The following PRKCZ variants were observed in gnomAD, a reference collection of about 807,000 sequenced individuals.
The protein encoded by PRKCZ is protein kinase C zeta type.
Under a neutral mutation model 79.5 loss-of-function variants are expected in PRKCZ, and 33 were observed. That is an observed-to-expected ratio of 0.41 (90% CI 0.31 to 0.55). PRKCZ has a LOEUF of 0.55. Ranked by LOEUF, PRKCZ falls within the 20% of genes least tolerant of loss-of-function variation. The probability of loss-of-function intolerance (pLI) is 0.19; values close to 1 mark genes in which losing one functional copy is unlikely to be tolerated. For missense variants in PRKCZ, 578 were observed against 813.5 expected (o/e 0.71, Z 3.52); for synonymous variants, 342 against 320.9 (o/e 1.07, Z -0.70).
rs769365736 is a variant in PRKCZ, at chr1:2,056,465, C to A, written c.194-19C>A. 6.2e-7 allele frequency: 1 copy of A among 1,609,194 alleles called. No individual in the cohort carries two copies. Among genetic ancestry groups the A allele is most frequent in the Non-Finnish European group, 8.5e-7 (1 of 1,176,874 alleles). On this transcript the variant is annotated intron_variant, in intron 2 of 17. Transcript: ENST00000378567. ...CTCGGGCCTTCGGCGACGTCAGCAC[C>A]GTCTCCTGCCCCACCCAGGTGACCC...
chr1:2,182,936 C>G (rs1489671558), intron 16 of PRKCZ: 2 of 151,878 alleles, frequency 1.3e-5, no homozygotes, highest in Middle Eastern at 6.8e-3. Flanking sequence ...AATGAGTGGG[C>G]TAAAGAGGGC....
rs569122732 is a variant in PRKCZ, at chr1:2,056,496, C to T, written c.206C>T (p.Thr69Met). 1.4e-5 allele frequency: 22 copies of T among 1,613,846 alleles called. No homozygotes were observed. The East Asian group carries it at 2.2e-4, about 16-fold the overall frequency. The change falls in exon 3 of 18, where the codon ACG (threonine) becomes ATG (methionine). Residue 69 changes from threonine to methionine, a missense_variant. By Grantham distance (81) the Thr-to-Met change is moderately conservative (BLOSUM62 -1). This residue lies in a region of PRKCZ where 228 missense variants were observed against 211.6 expected (regional missense o/e 1.08). Transcript: ENST00000378567. Reference sequence around the variant, plus strand: ...CTGCCCCACCCAGGTGACCCTTGCACGGTGTCCTCCCAGATGGAGCTGGAA... The same window carrying T: ...CTGCCCCACCCAGGTGACCCTTGCATGGTGTCCTCCCAGATGGAGCTGGAA... ...KWVDSEGDPCTVSSQMELEEA... is the reference protein window; with the variant it reads ...KWVDSEGDPCMVSSQMELEEA...
intron 9 of PRKCZ, among the ~76,000 whole-genome samples, chr1:2,153,723 C>A (rs1439590661): frequency 2.6e-5 from 4 of 152,330 alleles, no homozygotes; most frequent in African/African-American, 9.6e-5. Context: ...GTTTGCGGGA[C>A]CCTGAGAAAA....
At chr1:2,078,174 C>T (rs948629362) in intron 4 of PRKCZ, among the ~76,000 whole-genome samples, 1 of 152,264 alleles carries the variant, frequency 6.6e-6, no homozygotes, top group African/African-American at 2.4e-5. Context: ...CCTCCTCTCT[C>T]CTCTGCCTAC....
At chr1:2,106,426 C>T (rs1668432051) in intron 4 of PRKCZ, among the ~76,000 whole-genome samples, 1 of 151,764 alleles carries the variant, frequency 6.6e-6, no homozygotes, top group Non-Finnish European at 1.5e-5. Context: ...GCGAGGACCT[C>T]CACACGTGTC....
At position 2,144,385 on chromosome 1, in the gene PRKCZ, C is replaced by T. The variant is rs1403836482; in HGVS notation, c.552+44C>T. 3.0e-5 allele frequency: 46 copies of T among 1,542,756 alleles called. 1 individual carries two copies. Among genetic ancestry groups the T allele is most frequent in the Non-Finnish European group, 2.9e-5 (33 of 1,141,930 alleles). ...GAGGCCCGGGGGGCACGGGCGGGGT[C>T]GGGGCGTGGCAGCCAGCCCATTGTC... On this transcript the variant is annotated intron_variant, in intron 6 of 17. Coordinates refer to ENST00000378567, the MANE Select transcript of PRKCZ (RefSeq NM_002744.6).
chr1:2,154,898 T>C (rs1680622041), intron 9 of PRKCZ, among the ~76,000 whole-genome samples: 1 of 152,232 alleles, frequency 6.6e-6, no homozygotes, highest in Non-Finnish European at 1.5e-5. Context: ...GCTCTGGTGA[T>C]GGGTGTGGGC....
chr1:2,102,553 C>A (rs141829549), intron 4 of PRKCZ, among the ~76,000 whole-genome samples: 1,581 of 152,082 alleles, frequency 0.01, 33 homozygotes, highest in African/African-American at 0.036. Context: ...GGGATGGTCT[C>A]GATCTCCTGA....
intron 4 of PRKCZ, among the ~76,000 whole-genome samples, chr1:2,067,242 G>A: frequency 6.6e-6 from 1 of 152,208 alleles, no homozygotes; most frequent in East Asian, 1.9e-4. Context: ...CAGCCGCTGT[G>A]GGTACAGCGC....
chr1:2,072,150 C>G (rs1230218697), intron 4 of PRKCZ, among the ~76,000 whole-genome samples: 1 of 152,236 alleles, frequency 6.6e-6, no homozygotes, highest in Non-Finnish European at 1.5e-5. Context: ...GAATGCCCCT[C>G]ATGCAGCTGG....
intron 4 of PRKCZ, chr1:2,133,976 TGTG>T (rs2103016530): frequency 6.6e-6 from 1 of 152,316 alleles, no homozygotes; most frequent in South Asian, 2.1e-4. Context: ...CTGCGCCTCT[TGTG>T]GAGCCCAGGC....
chr1:2,135,178 C>A, intron 4 of PRKCZ, 84 bp from the exon 5 acceptor site: 1 of 1,195,648 alleles, frequency 8.4e-7, no homozygotes, highest in Non-Finnish European at 1.2e-6. Flanking sequence ...ACCACCTGGA[C>A]GGGAGTGGCC....
At chr1:2,161,754 C>T (rs1296622573) in intron 10 of PRKCZ, among the ~76,000 whole-genome samples, 1 of 152,124 alleles carries the variant, frequency 6.6e-6, no homozygotes, top group African/African-American at 2.4e-5. Flanking sequence ...TGGCATCTCC[C>T]CTTCTCCATC....
At chr1:2,148,847 C>T (rs1437440738) in intron 7 of PRKCZ, 25 bp from the exon 8 acceptor site, 1 of 1,612,732 alleles carries the variant, frequency 6.2e-7, no homozygotes, top group South Asian at 1.1e-5. Flanking sequence ...CCGTAACGCC[C>T]CTTCCTTCCT....
At position 2,174,970 on chromosome 1, in the gene PRKCZ, A is replaced by G. The variant is rs1685154755; in HGVS notation, c.1485+137A>G. 2 of 925,316 alleles carry G rather than the reference A, an allele frequency of 2.2e-6. No individual in the cohort carries two copies. The highest frequency in any genetic ancestry group is 5.0e-5 in the East Asian group (2 of 39,962). The allele number at this position is 925,316 out of a possible 1,614,324, so 57.3% of individuals were successfully genotyped here. A position where few individuals can be genotyped will look rare whatever the true frequency, so the allele number is the denominator to read the frequency against. The stretch of plus-strand genomic sequence containing the variant: ...GTGTGGGTTGATTTTCCGCTTCAGT[A>G]TTTGAGCTCTGTGTTCTGTGAATCG... On this transcript the variant is annotated intron_variant, in intron 15 of 17. Transcript: ENST00000378567. This position sits in a 1 kb window ranked among gnomAD's most constrained non-coding sequence, Gnocchi z 6.2.
rs1683734276 is a variant in PRKCZ at position 2,168,311 on chromosome 1, C to T, written c.975-1207C>T. Among the ~76,000 whole-genome samples, 1 of 152,144 alleles carries T rather than the reference C, an allele frequency of 6.6e-6. No individual in the cohort carries two copies. The highest frequency in any genetic ancestry group is 1.5e-5 in the Non-Finnish European group (1 of 68,022). On this transcript the variant is annotated intron_variant, in intron 10 of 17. Coordinates refer to ENST00000378567, the MANE Select transcript of PRKCZ (RefSeq NM_002744.6). The surrounding 1 kb of genome is among the most constrained non-coding windows in gnomAD (Gnocchi z 4.7). ...AACAGGGAGCAGTGGACCAGCGAGT[C>T]CCCAAGGACAAGGGCCAGGTTACCA... is the stretch of plus-strand genomic sequence containing the variant.
chr1:2,124,210 T>G (rs796334540), intron 4 of PRKCZ, among the ~76,000 whole-genome samples: 83 of 2,952 alleles, frequency 0.028, 19 homozygotes, highest in African/African-American at 0.14. Context: ...GGGTCACGGC[T>G]GTAGTTAGCG....
At chr1:2,056,287 C>T (rs941940728) in intron 2 of PRKCZ, among the ~76,000 whole-genome samples, 197 bp from the exon 3 acceptor site, 5 of 152,202 alleles carry the variant, frequency 3.3e-5, no homozygotes, top group East Asian at 1.9e-4. Flanking sequence ...GTGGCTCTGA[C>T]GCTGCACCGG....
At position 2,086,532 on chromosome 1, in the gene PRKCZ, G is replaced by A. The variant is rs113905497; in HGVS notation, c.334+26941G>A. Among the ~76,000 whole-genome samples the A allele has an allele frequency of 2.8e-3, 419 of 152,302 alleles. 3 individuals are homozygous for A. Among genetic ancestry groups the A allele is most frequent in the African/African-American group, 9.6e-3 (398 of 41,564 alleles). On this transcript the variant is annotated intron_variant, in intron 4 of 17. Transcript: ENST00000378567. ...TTCCATCAGGTTTTGTGTGTTGCTCGCATCCGGGCAGCAGGCTCTGGCATC... is the reference window on the plus strand; with the variant it reads ...TTCCATCAGGTTTTGTGTGTTGCTCACATCCGGGCAGCAGGCTCTGGCATC...
Sources: allele counts gnomAD v4.1 joint callset (sites outside exome capture counted in the v4.1 genomes callset), GRCh38; gene constraint gnomAD v4.1.1; regional missense constraint gnomAD v4.1.1; non-coding constraint Gnocchi (gnomAD v3.1); transcripts MANE v1.5; gene names NCBI Gene and HGNC (gene_info 2026-07-23, HGNC 2026-07-21).